SLC25A13: variants seen among roughly 807,000 people sequenced by gnomAD.
The protein encoded by SLC25A13 is electrogenic aspartate/glutamate antiporter SLC25A13, mitochondrial.
A neutral mutation model predicts 85.5 loss-of-function variants in SLC25A13; 70 were observed. That is an observed-to-expected ratio of 0.82 (90% confidence interval 0.68 to 1.00). The LOEUF is 1.00. Among genes scored for constraint, SLC25A13 ranks in the 50% least tolerant of loss-of-function variants. SLC25A13 has a pLI of 0.00. For missense variants in SLC25A13, 765 were observed against 819.8 expected, an observed-to-expected ratio of 0.93 and a Z score of 0.82; for synonymous variants, 259 against 288.7, an observed-to-expected ratio of 0.90 and a Z score of 1.04.
At chr7:96,163,118 T>A (rs997515335) in intron 13 of SLC25A13, among the ~76,000 whole-genome samples, 2 of 152,170 alleles carry the variant, frequency 1.3e-5, no homozygotes, top group African/African-American at 4.8e-5. Context: ...CCTATTACGA[T>A]GTAGGGTCTA....
chr7:96,216,459 T>C (rs1795903636), intron 4 of SLC25A13, among the ~76,000 whole-genome samples: 1 of 152,136 alleles, frequency 6.6e-6, no homozygotes, highest in Non-Finnish European at 1.5e-5. Flanking sequence ...GTACATTCAC[T>C]GCAGCACTAT....
At position 96,193,442 on chromosome 7, in the gene SLC25A13, TAG is replaced by T. The variant is rs199728511; in HGVS notation, c.469-261_469-260del. Among the ~76,000 whole-genome samples the T allele has an allele frequency of 6.5e-3, 982 of 152,234 alleles. 10 individuals are homozygous for T. The highest frequency in any genetic ancestry group is 0.022 in the African/African-American group (923 of 41,496). On this transcript the variant is annotated intron_variant, in intron 5 of 17. Coordinates refer to ENST00000265631, the MANE Select transcript of SLC25A13 (RefSeq NM_014251.3). ...GAAACCCAATTACTTCCGTGCTCTC[TAG>T]AGTCCATGAACACAAAGAAAATGAA...
chr7:96,128,238 T>C (rs1791814101), intron 15 of SLC25A13, among the ~76,000 whole-genome samples: 1 of 152,230 alleles, frequency 6.6e-6, no homozygotes, highest in African/African-American at 2.4e-5. Flanking sequence ...TTCAGGTAAA[T>C]AATCATTTAT....
chr7:96,244,956 G>GTA (rs34956392), intron 3 of SLC25A13, among the ~76,000 whole-genome samples: 6,010 of 148,646 alleles, frequency 0.04, 204 homozygotes, highest in African/African-American at 0.088. Flanking sequence ...ATTGGCAAAA[G>GTA]TATATATATA....
intron 14 of SLC25A13, among the ~76,000 whole-genome samples, chr7:96,134,968 T>C (rs1187302196): frequency 6.6e-6 from 1 of 151,766 alleles, no homozygotes; most frequent in East Asian, 1.9e-4. Context: ...TCTGATTACC[T>C]GAGAAAAAGG....
chr7:96,246,857 C>A (rs1302774755), intron 3 of SLC25A13, among the ~76,000 whole-genome samples: 2 of 152,080 alleles, frequency 1.3e-5, no homozygotes, highest in Non-Finnish European at 2.9e-5. Context: ...AAAAAAAAGC[C>A]AACATTAATA....
At chr7:96,146,072 C>A (rs1235039310) in intron 14 of SLC25A13, among the ~76,000 whole-genome samples, 5 of 152,160 alleles carry the variant, frequency 3.3e-5, no homozygotes, top group Middle Eastern at 6.8e-3. Context: ...TTTCAAGAAT[C>A]ATCTAGAAGT....
At chr7:96,308,295 C>T (rs1302046105) in intron 1 of SLC25A13, among the ~76,000 whole-genome samples, 4 of 152,340 alleles carry the variant, frequency 2.6e-5, no homozygotes, top group Admixed American at 1.3e-4. Context: ...CAGCGCCTTG[C>T]TTCCCAGTTA....
chr7:96,316,051 G>A (rs911225568), intron 1 of SLC25A13, among the ~76,000 whole-genome samples: 18 of 151,960 alleles, frequency 1.2e-4, no homozygotes, highest in African/African-American at 4.4e-4. Context: ...TTGTATCCAC[G>A]AGGTCTAGGC....
At chr7:96,225,199 G>GCC (rs1427997363) in intron 4 of SLC25A13, among the ~76,000 whole-genome samples, 3 of 151,940 alleles carry the variant, frequency 2.0e-5, no homozygotes, top group Non-Finnish European at 4.4e-5. Context: ...CTTTCCTTTG[G>GCC]CCCCCTTCCT....
Position 96,254,661 on chromosome 7 carries a change from T to C in SLC25A13, c.213-19744A>G, listed in dbSNP as rs1797558065. The stretch of plus-strand genomic sequence containing the variant: ...CATATACTACATATATACACACACA[T>C]ACACACTCCCTCAAAGGAGCGTATA... On this transcript the variant is annotated intron_variant, in intron 3 of 17. Coordinates refer to ENST00000265631, the MANE Select transcript of SLC25A13 (RefSeq NM_014251.3). Among the ~76,000 whole-genome samples the C allele has an allele frequency of 2.0e-5, 3 of 152,208 alleles. No homozygotes were observed. In the South Asian group the frequency reaches 6.2e-4, roughly 32 times the overall value.
chr7:96,127,028 C>A (rs1175831857), intron 15 of SLC25A13, among the ~76,000 whole-genome samples: 1 of 152,186 alleles, frequency 6.6e-6, no homozygotes, highest in Non-Finnish European at 1.5e-5. Context: ...ACTGGAACAG[C>A]TTTTAAAGGT....
intron 14 of SLC25A13, among the ~76,000 whole-genome samples, chr7:96,139,402 T>C (rs531382818): frequency 9.8e-4 from 149 of 152,304 alleles, no homozygotes; most frequent in East Asian, 5.2e-3. Flanking sequence ...TCTTTTTTTT[T>C]CCAGTTTTTG....
At chr7:96,279,501 G>C (rs1442200423) in intron 2 of SLC25A13, among the ~76,000 whole-genome samples, 2 of 152,186 alleles carry the variant, frequency 1.3e-5, no homozygotes, top group Non-Finnish European at 2.9e-5. Context: ...CGGTAGGCAA[G>C]AGAGCTTGTG....
chr7:96,294,533 C>T (rs937093151), intron 2 of SLC25A13, among the ~76,000 whole-genome samples: 28 of 150,058 alleles, frequency 1.9e-4, no homozygotes, highest in Admixed American at 6.0e-4. Context: ...CACATGAACC[C>T]GGGAGACAGA....
Position 96,272,179 on chromosome 7 carries a change from C to T in SLC25A13, c.212+5017G>A, listed in dbSNP as rs187091500. On this transcript the variant is annotated intron_variant, in intron 3 of 17. Transcript: ENST00000265631. ...CTGGGATTACAGGCGTAAGCCACCACGCTCAGCCTATTTATTCATTTATTT... is the reference window on the plus strand; with the variant it reads ...CTGGGATTACAGGCGTAAGCCACCATGCTCAGCCTATTTATTCATTTATTT... 2.9e-3 allele frequency among the ~76,000 whole-genome samples: 439 copies of T among 152,286 alleles called. 1 individual carries two copies. Among genetic ancestry groups the T allele is most frequent in the African/African-American group, 9.8e-3 (406 of 41,564 alleles).
rs1411695583 is a variant in SLC25A13, at chr7:96,191,025, A to G, written c.754+84T>C. Reference sequence around the variant, plus strand: ...ATATGTGTCAATGGGATAGAAAAATAATAAAGTACTAGTTGCCTTCTTCAC... The same window carrying G: ...ATATGTGTCAATGGGATAGAAAAATGATAAAGTACTAGTTGCCTTCTTCAC... On this transcript the variant is annotated intron_variant, in intron 7 of 17. Transcript: ENST00000265631. 4 of 1,493,234 alleles carry G rather than the reference A, an allele frequency of 2.7e-6. No individual in the cohort carries two copies. The African/African-American group carries it at 4.1e-5, about 15-fold the overall frequency. 92.5% of individuals were successfully genotyped at this position (1,493,234 alleles called of 1,614,324 possible).
At chr7:96,194,469 G>GAAAAAAAAA (rs1794986209) in intron 5 of SLC25A13, among the ~76,000 whole-genome samples, 3 of 50,126 alleles carry the variant, frequency 6.0e-5, no homozygotes, top group African/African-American at 6.4e-5. Flanking sequence ...AAAAAAAAAG[G>GAAAAAAAAA]AACACCAACA....
In SLC25A13 at chr7:96,193,106, G is replaced by T; in HGVS notation, c.546C>A (p.Asp182Glu). ...GGATGGTGACCATGATGTCTCGGAAGTCGATGGCTGTGACTCTCCCAGTCC... is the reference window on the plus strand; with the variant it reads ...GGATGGTGACCATGATGTCTCGGAATTCGATGGCTGTGACTCTCCCAGTCC... ...NARTGRVTAIDFRDIMVTIRP... is the reference protein window; with the variant it reads ...NARTGRVTAIEFRDIMVTIRP... Residue 182 changes from aspartate to glutamate, a missense_variant, in exon 6 of 18, where the codon GAC (aspartate) becomes GAA (glutamate). Coordinates refer to ENST00000265631, the MANE Select transcript of SLC25A13 (RefSeq NM_014251.3). 6.2e-7 allele frequency: 1 copy of T among 1,614,148 alleles called. No homozygotes were observed.
Sources: gnomAD v4.1 joint callset for allele counts (sites outside exome capture counted in the v4.1 genomes callset) on GRCh38, gnomAD v4.1.1 for gene constraint, MANE v1.5 for transcripts, NCBI Gene and HGNC (gene_info 2026-07-23, HGNC 2026-07-21) for gene names.